Variants in BCLAF3 observed in about 807,000 individuals in gnomAD.
The protein encoded by BCLAF3 is BCLAF1 and THRAP3 family member 3.
BCLAF3 carries 24 observed loss-of-function variants against 51.2 expected under a neutral mutation model. The observed-to-expected ratio is 0.47, with a 90% CI of 0.34 to 0.66. The LOEUF is 0.66. Among genes scored for constraint, BCLAF3 ranks in the 30% least tolerant of loss-of-function variants. The pLI is 0.01. For synonymous variants in BCLAF3, 152 were observed against 176.6 expected, an observed-to-expected ratio of 0.86 and a Z score of 1.10; for missense variants, 465 against 525.1, an observed-to-expected ratio of 0.89 and a Z score of 1.12.
intron 1 of BCLAF3, among the ~76,000 whole-genome samples, chrX:19,977,254 G>A (rs1422682573): frequency 1.8e-5 from 2 of 112,103 alleles, no homozygotes; most frequent in Non-Finnish European, 3.8e-5. Flanking sequence ...AGCTAGAAAT[G>A]ATTAAGCTTA....
intron 10 of BCLAF3, among the ~76,000 whole-genome samples, chrX:19,934,432 G>C (rs1260168875): frequency 8.9e-6 from 1 of 112,017 alleles, no homozygotes; most frequent in Non-Finnish European, 1.9e-5. Context: ...CATTACTCAA[G>C]AGATCAAAAG....
intron 8 of BCLAF3, among the ~76,000 whole-genome samples, chrX:19,940,795 T>A (rs369412784): frequency 9.9e-5 from 11 of 110,915 alleles, no homozygotes; most frequent in African/African-American, 2.6e-4. Flanking sequence ...CAGTAATGGG[T>A]TGGCTGGGTC....
At position 19,970,240 on chromosome X, in the gene BCLAF3, G is replaced by A. The variant is rs1314119587; in HGVS notation, c.25C>T (p.Pro9Ser). The stretch of plus-strand genomic sequence containing the variant: ...ACTGCTCACCTGTGTTTCCACCTGG[G>A]GGATCTAGATCGTGACCGTGCCATC... MARSRSRS[P>S]RWKHRSLSPV... The change falls in exon 2 of 12, where the codon CCC becomes TCC. Residue 9 changes from proline (P) to serine (S), a missense_variant. Coordinates refer to ENST00000379682, the MANE Select transcript of BCLAF3 (RefSeq NM_001367774.2). The A allele has an allele frequency of 8.3e-7, 1 of 1,211,370 alleles. No individual in the cohort carries two copies. Among genetic ancestry groups the A allele is most frequent in the Admixed American group, 2.2e-5 (1 of 46,077 alleles).
chrX:19,933,822 G>A lies in BCLAF3; in HGVS notation c.1950+1987C>T, dbSNP rs150843784. On this transcript the variant is annotated intron_variant, in intron 10 of 11. Coordinates refer to ENST00000379682, the MANE Select transcript of BCLAF3 (RefSeq NM_001367774.2). ...TCTTCACTGTGTCGCCCAGGCTTGA[G>A]GGCCGTGGCACAATCTTGGCTCACT... Among the ~76,000 whole-genome samples, 946 of 111,108 alleles carry A rather than the reference G, an allele frequency of 8.5e-3. 10 individuals carry two copies. The highest frequency in any genetic ancestry group is 0.03 in the African/African-American group (908 of 30,531).
intron 2 of BCLAF3, among the ~76,000 whole-genome samples, chrX:19,966,895 A>G (rs1370819293): frequency 9.0e-6 from 1 of 111,432 alleles, no homozygotes; most frequent in African/African-American, 3.3e-5. Context: ...AAATGAGCTG[A>G]GCACACCTGT....
At chrX:19,935,985 A>G (rs2147782080) in intron 9 of BCLAF3, 87 bp from the exon 10 acceptor site, 4 of 749,330 alleles carry the variant, frequency 5.3e-6, no homozygotes, top group Non-Finnish European at 8.2e-6. Context: ...CACATTTTAA[A>G]TGTACAGGAT....
At chrX:19,974,126 C>CTCAA (rs2148001527) in intron 1 of BCLAF3, among the ~76,000 whole-genome samples, 1 of 111,860 alleles carries the variant, frequency 8.9e-6, no homozygotes, top group South Asian at 3.7e-4. Context: ...TCTGTATAGG[C>CTCAA]AGCTTTCACA....
chrX:19,939,358 T>A (rs1231952755), intron 8 of BCLAF3, among the ~76,000 whole-genome samples: 1 of 112,107 alleles, frequency 8.9e-6, no homozygotes, highest in East Asian at 2.8e-4. Context: ...AAAATTCTCT[T>A]TGCAAAGCAT....
intron 10 of BCLAF3, among the ~76,000 whole-genome samples, chrX:19,933,376 A>G (rs1237888912): frequency 8.9e-6 from 1 of 112,291 alleles, no homozygotes; most frequent in Non-Finnish European, 1.9e-5. Context: ...CCATCCTCAG[A>G]GTACTTAATA....
chrX:19,919,986 G>T (rs2070087967), intron 11 of BCLAF3, among the ~76,000 whole-genome samples: 1 of 111,794 alleles, frequency 8.9e-6, no homozygotes, highest in Non-Finnish European at 1.9e-5. Flanking sequence ...TTTCAAGAGG[G>T]TCCCCACCAT....
rs770319033 is a variant in BCLAF3, at chrX:19,970,275, G to A, written c.-11C>T. On this transcript the variant is annotated 5_prime_UTR_variant, in exon 2 of 12. The change creates a new upstream start codon in the 5' untranslated region. Transcript: ENST00000379682. Reference sequence around the variant, plus strand: ...TCGTGACCGTGCCATCCTTTGACACGTGAGCCACTATCCACTTTTTACACT... The same window carrying A: ...TCGTGACCGTGCCATCCTTTGACACATGAGCCACTATCCACTTTTTACACT... 5 of 1,211,024 alleles carry A rather than the reference G, an allele frequency of 4.1e-6. No homozygotes were observed. Among genetic ancestry groups the A allele is most frequent in the South Asian group, 1.8e-5 (1 of 56,941 alleles).
intron 11 of BCLAF3, among the ~76,000 whole-genome samples, chrX:19,927,693 T>C (rs2070402862): frequency 9.1e-6 from 1 of 109,673 alleles, no homozygotes; most frequent in Non-Finnish European, 1.9e-5. Context: ...TTTTTAATAG[T>C]TGGGGGTCTT....
At chrX:19,969,023 G>A (rs947133723) in intron 2 of BCLAF3, among the ~76,000 whole-genome samples, 1 of 112,201 alleles carries the variant, frequency 8.9e-6, no homozygotes, top group Non-Finnish European at 1.9e-5. Context: ...TGAGGCAGGA[G>A]AATGGCGTGA....
At chrX:19,971,690 CCTAA>C (rs2072263196) in intron 1 of BCLAF3, among the ~76,000 whole-genome samples, 1 of 111,614 alleles carries the variant, frequency 9.0e-6, no homozygotes, top group Non-Finnish European at 1.9e-5. Context: ...TTAAGTAGTT[CCTAA>C]CTTAGTGGTC....
At position 19,966,484 on chromosome X, in the gene BCLAF3, T is replaced by C. The variant is rs1487109563; in HGVS notation, c.207A>G (p.Ile69Met). ...SKPRIPSRGNIYYQSYEHRSP... is the reference protein window; with the variant it reads ...SKPRIPSRGNMYYQSYEHRSP... ...ATCTATGTTCATAAGACTGGTAATA[T>C]ATATTTCCACGAGAGGGAATCCTTG... The change falls in exon 3 of 12, where the codon ATA becomes ATG. Residue 69 changes from isoleucine (I) to methionine (M), a missense_variant. Physicochemically the swap from Ile to Met is conservative, Grantham distance 10. Transcript: ENST00000379682. The C allele has an allele frequency of 2.5e-6, 3 of 1,211,596 alleles. No homozygotes were observed. The highest frequency in any genetic ancestry group is 3.4e-6 in the Non-Finnish European group (3 of 895,476).
chrX:19,966,597 G>A lies in BCLAF3; in HGVS notation c.94C>T (p.His32Tyr). 8.3e-7 allele frequency: 1 copy of A among 1,211,265 alleles called. No homozygotes were observed. Among genetic ancestry groups the A allele is most frequent in the East Asian group, 3.0e-5 (1 of 33,826 alleles). Residue 32 changes from histidine to tyrosine, a missense_variant, in exon 3 of 12, where the codon CAC becomes TAC. His to Tyr is a moderately conservative substitution (Grantham distance 83). Transcript: ENST00000379682. The stretch of plus-strand genomic sequence containing the variant: ...CTATATTCACAGCCATAATGCCCGT[G>A]TGAATGTCTTTGCTTGTAGTGTTCA... ...NAEHYKQRHS[H>Y]GHYGCEYRKD...
chrX:19,941,195 C>T (rs1459150007), intron 8 of BCLAF3, among the ~76,000 whole-genome samples: 10 of 108,249 alleles, frequency 9.2e-5, no homozygotes, highest in Non-Finnish European at 1.3e-4. Flanking sequence ...GAGTAGGTTG[C>T]GAAAACTTTC....
chrX:19,974,803 A>G, intron 1 of BCLAF3, among the ~76,000 whole-genome samples: 1 of 110,380 alleles, frequency 9.1e-6, no homozygotes, highest in African/African-American at 3.3e-5. Context: ...AATCGCTTGA[A>G]CCCGGGGGGC....
chrX:19,947,381 G>A (rs2071347389), intron 8 of BCLAF3, among the ~76,000 whole-genome samples: 1 of 112,287 alleles, frequency 8.9e-6, no homozygotes. Context: ...TTACATTGTA[G>A]GAAACTTAGT....
Sources: gnomAD v4.1 joint callset for allele counts (sites outside exome capture counted in the v4.1 genomes callset) on GRCh38, gnomAD v4.1.1 for gene constraint, MANE v1.5 for transcripts, NCBI Gene and HGNC (gene_info 2026-07-23, HGNC 2026-07-21) for gene names.